Variants in ASPRV1 observed in about 807,000 individuals in gnomAD.
The protein encoded by ASPRV1 is aspartic peptidase retroviral like 1.
ASPRV1 carries 7 observed loss-of-function variants against 11.0 expected under a neutral mutation model. The ratio of observed to expected loss-of-function variants is 0.64; its 90% confidence interval spans 0.36 to 1.20. The LOEUF (loss-of-function observed/expected upper bound fraction) is 1.20. ASPRV1 is among the 50% of genes most tolerant of loss of function. ASPRV1 has a pLI of 0.02. For missense variants in ASPRV1, 299 were observed against 320.0 expected (o/e 0.93, Z 0.50); for synonymous variants, 136 against 138.4 (o/e 0.98, Z 0.12).
At chr2:70,032,454 C>T in the ASPRV1 span, among the ~76,000 whole-genome samples, 1 of 150,046 alleles carries the variant, frequency 6.7e-6, no homozygotes, top group Non-Finnish European at 1.5e-5. Context: ...ACCAGAAGTT[C>T]GAGATCAGCC....
At chr2:69,973,475 G>C in the ASPRV1 span, among the ~76,000 whole-genome samples, 1 of 152,112 alleles carries the variant, frequency 6.6e-6, no homozygotes, top group Non-Finnish European at 1.5e-5. Context: ...GGGCTCAAGA[G>C]ATCCTCCTGC....
At chr2:70,052,612 C>A in the ASPRV1 span, among the ~76,000 whole-genome samples, 1 of 152,190 alleles carries the variant, frequency 6.6e-6, no homozygotes, top group African/African-American at 2.4e-5. Flanking sequence ...GACAGCAAAT[C>A]TACACACCTC....
the ASPRV1 span, among the ~76,000 whole-genome samples, chr2:70,040,023 G>C: frequency 6.6e-6 from 1 of 152,200 alleles, no homozygotes; most frequent in African/African-American, 2.4e-5. Flanking sequence ...AATTTGGCTT[G>C]AGACATGTTG....
downstream of ASPRV1, among the ~76,000 whole-genome samples, chr2:69,956,498 AAGC>A (rs1179504475): frequency 1.7e-4 from 25 of 151,138 alleles, no homozygotes; most frequent in Admixed American, 4.6e-4. Context: ...AAGAAGAAGA[AAGC>A]AGAGGAGGAG....
chr2:70,028,115 C>A, the ASPRV1 span, among the ~76,000 whole-genome samples: 1 of 152,152 alleles, frequency 6.6e-6, no homozygotes, highest in Admixed American at 6.5e-5. Flanking sequence ...AGAACTCTCG[C>A]TTCCTTTCAC....
At chr2:69,977,331 C>G in the ASPRV1 span, among the ~76,000 whole-genome samples, 1 of 152,188 alleles carries the variant, frequency 6.6e-6, no homozygotes, top group East Asian at 1.9e-4. Context: ...AAGGCACTGA[C>G]AGCCACTGTG....
the ASPRV1 span, among the ~76,000 whole-genome samples, chr2:70,058,241 T>A: frequency 6.6e-6 from 1 of 152,212 alleles, no homozygotes; most frequent in Non-Finnish European, 1.5e-5. Flanking sequence ...AAATTATTCA[T>A]TTTACGTGTT....
the ASPRV1 span, among the ~76,000 whole-genome samples, chr2:70,062,552 C>A: frequency 2.0e-5 from 3 of 152,126 alleles, no homozygotes; most frequent in Admixed American, 6.5e-5. Flanking sequence ...TGAAGAAAGG[C>A]CCTTACTTGA....
the ASPRV1 span, among the ~76,000 whole-genome samples, chr2:70,065,869 GAAAGA>G: frequency 9.1e-6 from 1 of 109,806 alleles, no homozygotes; most frequent in Non-Finnish European, 1.7e-5. Flanking sequence ...AGGAAGGAAG[GAAAGA>G]AAAGAAAAAT....
chr2:70,026,229 G>T, the ASPRV1 span, among the ~76,000 whole-genome samples: 1 of 152,120 alleles, frequency 6.6e-6, no homozygotes, highest in Non-Finnish European at 1.5e-5. Flanking sequence ...TGAGGCAGGA[G>T]AATCACTTGG....
upstream of ASPRV1, chr2:69,964,304 G>C: frequency 6.6e-6 from 3 of 453,344 alleles, no homozygotes; most frequent in Non-Finnish European, 8.9e-6. Flanking sequence ...CCTTCGGGCT[G>C]TGTCTGTCCA....
the ASPRV1 span, among the ~76,000 whole-genome samples, chr2:70,073,873 C>T: frequency 6.6e-6 from 1 of 151,986 alleles, no homozygotes; most frequent in Non-Finnish European, 1.5e-5. Flanking sequence ...GTGACTCACA[C>T]CTGTAATCCC....
At chr2:70,007,247 G>A in the ASPRV1 span, among the ~76,000 whole-genome samples, 1 of 152,222 alleles carries the variant, frequency 6.6e-6, no homozygotes, top group Non-Finnish European at 1.5e-5. Flanking sequence ...CCGGGCGCAG[G>A]TTGCTCACGC....
chr2:69,969,896 ATT>A, the ASPRV1 span, among the ~76,000 whole-genome samples: 29 of 143,808 alleles, frequency 2.0e-4, no homozygotes, highest in African/African-American at 6.1e-4. Flanking sequence ...ATTCTCTTAA[ATT>A]TTTTTTTTTT....
the ASPRV1 span, among the ~76,000 whole-genome samples, chr2:70,007,490 C>T: frequency 6.6e-6 from 1 of 151,400 alleles, no homozygotes; most frequent in Non-Finnish European, 1.5e-5. Context: ...TGCACTCCGG[C>T]ATGGGCAACA....
chr2:69,960,645 A>T lies in ASPRV1; in HGVS notation c.*12T>A. ...CCACCAATATTTAGGAGGTTAAAGA[A>T]AAGGTGGCTTCTCAGTGGGATAGCT... On this transcript the variant is annotated 3_prime_UTR_variant, in exon 1 of 1. Transcript: ENST00000320256. 1 of 1,601,278 alleles carries T rather than the reference A, an allele frequency of 6.2e-7. No individual in the cohort carries two copies. The highest frequency in any genetic ancestry group is 8.5e-7 in the Non-Finnish European group (1 of 1,174,570).
the ASPRV1 span, among the ~76,000 whole-genome samples, chr2:70,013,966 T>C: frequency 9.2e-5 from 14 of 152,354 alleles, no homozygotes; most frequent in African/African-American, 3.4e-4. Flanking sequence ...CAGTTTCTAA[T>C]ATGGCATTTT....
chr2:70,053,507 C>T, the ASPRV1 span, among the ~76,000 whole-genome samples: 2 of 151,978 alleles, frequency 1.3e-5, no homozygotes, highest in Admixed American at 6.6e-5. Context: ...ACACTATTGA[C>T]AAAAAAAGTA....
At chr2:70,033,458 G>T in the ASPRV1 span, among the ~76,000 whole-genome samples, 94 of 152,194 alleles carry the variant, frequency 6.2e-4, no homozygotes, top group African/African-American at 2.1e-3. Flanking sequence ...GGGCGGGAGA[G>T]AAATCCCCCT....
Sources: allele counts gnomAD v4.1 joint callset (sites outside exome capture counted in the v4.1 genomes callset), GRCh38; gene constraint gnomAD v4.1.1; transcripts MANE v1.5; gene names NCBI Gene and HGNC (gene_info 2026-07-23, HGNC 2026-07-21).